The following CCDC201 variants were observed in gnomAD, a reference collection of about 807,000 sequenced individuals.
CCDC201 encodes coiled-coil domain containing 201, also known as coiled-coil domain-containing protein 201.
At chr7:45,883,737 T>G in the CCDC201 span, among the ~76,000 whole-genome samples, 1 of 152,226 alleles carries the variant, frequency 6.6e-6, no homozygotes, top group Non-Finnish European at 1.5e-5. Context: ...CTCCCCTTCC[T>G]GATGTTCTTT....
upstream of CCDC201, among the ~76,000 whole-genome samples, chr7:45,875,775 C>T (rs559797171): frequency 3.7e-5 from 4 of 108,250 alleles, no homozygotes; most frequent in East Asian, 1.0e-3. Flanking sequence ...CTCTTCCCTG[C>T]ACTATGTGCC....
intron 1 of CCDC201, among the ~76,000 whole-genome samples, chr7:45,867,235 G>A (rs1046257719): frequency 1.3e-5 from 2 of 152,132 alleles, no homozygotes; most frequent in Non-Finnish European, 2.9e-5. Flanking sequence ...ATCTCTTGGT[G>A]TCTCAGACAC....
At chr7:45,885,082 G>T in the CCDC201 span, among the ~76,000 whole-genome samples, 3 of 152,318 alleles carry the variant, frequency 2.0e-5, no homozygotes, top group Admixed American at 1.3e-4. Flanking sequence ...GCAAGAAAGA[G>T]TTTCCGGGAT....
At chr7:45,880,734 G>A in the CCDC201 span, among the ~76,000 whole-genome samples, 17 of 152,230 alleles carry the variant, frequency 1.1e-4, no homozygotes, top group Admixed American at 2.6e-4. Flanking sequence ...GCTTGCCGCC[G>A]TGTTGTAATT....
At chr7:45,870,677 A>G (rs34416860) in intron 1 of CCDC201, among the ~76,000 whole-genome samples, 30,335 of 152,160 alleles carry the variant, frequency 0.2, 3,119 homozygotes, top group African/African-American at 0.26. Flanking sequence ...TCATAGAGCG[A>G]ACTCCTAGGA....
chr7:45,868,863 T>C (rs946860145), intron 1 of CCDC201, among the ~76,000 whole-genome samples: 17 of 152,200 alleles, frequency 1.1e-4, no homozygotes, highest in African/African-American at 3.9e-4. Context: ...GAAAGTCCAG[T>C]TGAAAGTCCA....
At chr7:45,868,084 C>T (rs1423266629) in intron 1 of CCDC201, among the ~76,000 whole-genome samples, 1 of 152,212 alleles carries the variant, frequency 6.6e-6, no homozygotes, top group Non-Finnish European at 1.5e-5. Flanking sequence ...GGAGCAGCCT[C>T]TCTGGGAAGT....
At chr7:45,885,087 C>T in the CCDC201 span, among the ~76,000 whole-genome samples, 4 of 152,070 alleles carry the variant, frequency 2.6e-5, no homozygotes, top group South Asian at 2.1e-4. Context: ...AAAGAGTTTC[C>T]GGGATGGATG....
chr7:45,871,501 G>A (rs972778048), intron 1 of CCDC201, among the ~76,000 whole-genome samples: 11 of 152,076 alleles, frequency 7.2e-5, no homozygotes, highest in African/African-American at 2.7e-4. Context: ...GTATTAGAAG[G>A]AACTATCAGT....
chr7:45,882,789 C>A, the CCDC201 span, among the ~76,000 whole-genome samples: 1 of 152,162 alleles, frequency 6.6e-6, no homozygotes. Flanking sequence ...GTCTCCTGGT[C>A]CCCGGTTTAA....
intron 1 of CCDC201, among the ~76,000 whole-genome samples, chr7:45,867,144 G>A (rs1403989616): frequency 6.6e-6 from 1 of 152,196 alleles, no homozygotes; most frequent in Non-Finnish European, 1.5e-5. Context: ...CATAAGGTAT[G>A]TGCCTCTGCA....
At chr7:45,864,329 G>T (rs543974795) in intron 2 of CCDC201, among the ~76,000 whole-genome samples, 4 of 152,308 alleles carry the variant, frequency 2.6e-5, no homozygotes, top group Admixed American at 6.5e-5. Flanking sequence ...CACATGGGTT[G>T]TTCCCCACAA....
chr7:45,870,678 A>G (rs1175270171), intron 1 of CCDC201, among the ~76,000 whole-genome samples: 1 of 152,172 alleles, frequency 6.6e-6, no homozygotes, highest in Non-Finnish European at 1.5e-5. Context: ...CATAGAGCGA[A>G]CTCCTAGGAA....
chr7:45,870,094 G>A (rs1393348585), intron 1 of CCDC201, among the ~76,000 whole-genome samples: 2 of 152,174 alleles, frequency 1.3e-5, no homozygotes, highest in Non-Finnish European at 2.9e-5. Flanking sequence ...TAGGATTATA[G>A]GCGTGAGCCA....
At chr7:45,868,991 GA>G (rs1005162071) in intron 1 of CCDC201, among the ~76,000 whole-genome samples, 33 of 152,092 alleles carry the variant, frequency 2.2e-4, no homozygotes, top group African/African-American at 6.8e-4. Flanking sequence ...ATATATAAAG[GA>G]AAAAACTTAG....
chr7:45,872,846 G>C (rs1232570399), intron 1 of CCDC201, 144 bp downstream of exon 1: 1 of 152,634 alleles, frequency 6.6e-6, no homozygotes, highest in African/African-American at 2.4e-5. Flanking sequence ...CTTTGTGCCA[G>C]CTCAGGACAG....
chr7:45,868,257 C>A (rs541896448), intron 1 of CCDC201, among the ~76,000 whole-genome samples: 53 of 152,102 alleles, frequency 3.5e-4, no homozygotes, highest in Non-Finnish European at 7.1e-4. Context: ...TTCTGCCTGG[C>A]CTCTCCAGGG....
At chr7:45,883,911 G>T in the CCDC201 span, among the ~76,000 whole-genome samples, 2 of 152,002 alleles carry the variant, frequency 1.3e-5, no homozygotes, top group Non-Finnish European at 2.9e-5. Context: ...AGGAATGAGG[G>T]GTCCCCAGGC....
chr7:45,875,277 C>T (rs6960861), upstream of CCDC201, among the ~76,000 whole-genome samples: 1 of 152,014 alleles, frequency 6.6e-6, no homozygotes, highest in Non-Finnish European at 1.5e-5. Flanking sequence ...AGTGGATCAC[C>T]TAAGGTCAGG....
Sources: gnomAD v4.1 joint callset for allele counts (sites outside exome capture counted in the v4.1 genomes callset) on GRCh38, gnomAD v4.1.1 for gene constraint, MANE v1.5 for transcripts, NCBI Gene and HGNC (gene_info 2026-07-23, HGNC 2026-07-21) for gene names.